TMEM131L: variants seen among roughly 807,000 people sequenced by gnomAD.
TMEM131L encodes transmembrane protein 131-like.
A neutral mutation model predicts 192.2 loss-of-function variants in TMEM131L; 54 were observed. The ratio of observed to expected loss-of-function variants is 0.28; its 90% CI spans 0.23 to 0.35. The LOEUF (loss-of-function observed/expected upper bound fraction) is 0.35. Among genes scored for constraint, TMEM131L ranks in the 10% least tolerant of loss-of-function variants. The pLI is 1.00. For synonymous variants in TMEM131L, 701 were observed against 704.9 expected (o/e 0.99, Z 0.09); for missense variants, 1,888 against 1,972.9 (o/e 0.96, Z 0.82).
At chr4:153,582,441 T>G (rs1473983924) in intron 9 of TMEM131L, among the ~76,000 whole-genome samples, 1 of 136,148 alleles carries the variant, frequency 7.3e-6, no homozygotes, top group African/African-American at 2.8e-5. Flanking sequence ...TTGTTTTTTT[T>G]TTTTTTTTTT....
chr4:153,473,651 G>A (rs554329867), intron 2 of TMEM131L, among the ~76,000 whole-genome samples, 194 bp from the exon 3 acceptor site: 1 of 152,266 alleles, frequency 6.6e-6, no homozygotes, highest in South Asian at 2.1e-4. Flanking sequence ...AATTAGCCAG[G>A]TGTGGTGGCA....
chr4:153,570,479 G>A (rs1729513534), intron 7 of TMEM131L, among the ~76,000 whole-genome samples: 2 of 152,162 alleles, frequency 1.3e-5, no homozygotes, highest in East Asian at 3.9e-4. Context: ...AGCCACCTGT[G>A]CATACCACTG....
At chr4:153,588,493 AACT>A (rs1211956138) in intron 15 of TMEM131L, among the ~76,000 whole-genome samples, 2 of 151,076 alleles carry the variant, frequency 1.3e-5, no homozygotes, top group Non-Finnish European at 2.9e-5. Context: ...CCCTTTCAAG[AACT>A]ACTGTTTTCC....
chr4:153,530,581 C>T (rs1735822124), intron 3 of TMEM131L, among the ~76,000 whole-genome samples: 1 of 152,110 alleles, frequency 6.6e-6, no homozygotes, highest in Non-Finnish European at 1.5e-5. Flanking sequence ...GCTTGCTGTA[C>T]TTGGTGCTGG....
At chr4:153,473,797 C>T in intron 2 of TMEM131L, 48 bp from the exon 3 acceptor site, 1 of 1,497,024 alleles carries the variant, frequency 6.7e-7, no homozygotes, top group Non-Finnish European at 9.0e-7. Flanking sequence ...GTCTCAAAAA[C>T]AAACGAACAA....
chr4:153,558,461 A>T, intron 7 of TMEM131L, 93 bp downstream of exon 7: 1 of 624,790 alleles, frequency 1.6e-6, no homozygotes, highest in Non-Finnish European at 2.8e-6. Flanking sequence ...GCTTTTTGAA[A>T]AAATTATATA....
chr4:153,525,841 C>G (rs1735433783), intron 3 of TMEM131L, among the ~76,000 whole-genome samples: 2 of 151,814 alleles, frequency 1.3e-5, no homozygotes, highest in African/African-American at 2.4e-5. Context: ...CCTGCGATTC[C>G]ACATTCCTTT....
At chr4:153,537,250 C>T (rs1736404491) in intron 3 of TMEM131L, among the ~76,000 whole-genome samples, 1 of 152,258 alleles carries the variant, frequency 6.6e-6, no homozygotes, top group South Asian at 2.1e-4. Context: ...GTTAACTCCA[C>T]CTTTGTAGAT....
intron 3 of TMEM131L, among the ~76,000 whole-genome samples, chr4:153,511,512 A>G (rs749780488): frequency 5.3e-5 from 8 of 152,174 alleles, no homozygotes; most frequent in Non-Finnish European, 1.0e-4. Flanking sequence ...ATCAGGAAAA[A>G]TAACTGAGTA....
At chr4:153,560,869 C>G (rs190957386) in intron 7 of TMEM131L, among the ~76,000 whole-genome samples, 88 of 152,196 alleles carry the variant, frequency 5.8e-4, no homozygotes, top group Middle Eastern at 6.8e-3. Context: ...GTGGACATAT[C>G]TTTCATATCT....
chr4:153,505,109 C>CTTTTT (rs34450106), intron 3 of TMEM131L, among the ~76,000 whole-genome samples: 10 of 141,314 alleles, frequency 7.1e-5, no homozygotes, highest in African/African-American at 1.0e-4. Flanking sequence ...TTCTTTCTTT[C>CTTTTT]TTTTTTTTTT....
At chr4:153,476,424 G>A (rs1283123737) in intron 3 of TMEM131L, among the ~76,000 whole-genome samples, 3 of 152,142 alleles carry the variant, frequency 2.0e-5, no homozygotes, top group South Asian at 2.1e-4. Context: ...AGGGCCAGGC[G>A]CAGTGGCTGA....
At chr4:153,635,345 G>A in intron 33 of TMEM131L, 87 bp from the exon 34 acceptor site, 4 of 1,282,608 alleles carry the variant, frequency 3.1e-6, no homozygotes, top group Admixed American at 1.7e-5. Flanking sequence ...AGTATAGTGA[G>A]ACCTTGAAAG....
chr4:153,492,497 G>T (rs1035884509), intron 3 of TMEM131L, among the ~76,000 whole-genome samples: 3 of 152,182 alleles, frequency 2.0e-5, no homozygotes, highest in African/African-American at 7.2e-5. Context: ...GGAATCTCAA[G>T]GTTGTGTGTA....
intron 18 of TMEM131L, 131 bp downstream of exon 18, chr4:153,592,715 G>A: frequency 3.0e-6 from 2 of 663,580 alleles, no homozygotes; most frequent in Admixed American, 4.8e-5. Flanking sequence ...ATTAGCTCAT[G>A]GACCTTGGGC....
At chr4:153,629,055 G>A (rs1734040240) in intron 31 of TMEM131L, among the ~76,000 whole-genome samples, 1 of 151,990 alleles carries the variant, frequency 6.6e-6, no homozygotes. Context: ...TCCCTTTATT[G>A]CAAAGCCCCA....
In TMEM131L at chr4:153,582,894, C is replaced by G. The variant is rs558641908; in HGVS notation, c.893-296C>G. Among the ~76,000 whole-genome samples, 15 of 152,140 alleles carry G rather than the reference C, an allele frequency of 9.9e-5. No homozygotes were observed. The South Asian group carries it at 3.1e-3, about 32-fold the overall frequency. On this transcript the variant is annotated intron_variant, in intron 9 of 34. Coordinates refer to ENST00000409959, the MANE Select transcript of TMEM131L (RefSeq NM_001131007.2). ...AGTCGTCCAGTTGGTTAGTTTCATT[C>G]AGAAGAGCATTGTGTGACCCTAAAC...
At chr4:153,635,106 T>C (rs1734479376) in intron 33 of TMEM131L, among the ~76,000 whole-genome samples, 1 of 152,226 alleles carries the variant, frequency 6.6e-6, no homozygotes, top group Non-Finnish European at 1.5e-5. Flanking sequence ...TTTTAAAGAC[T>C]GGCAAGAACC....
At chr4:153,582,430 G>GTTTTTTTTTT (rs1561212531) in intron 9 of TMEM131L, among the ~76,000 whole-genome samples, 48 of 38,506 alleles carry the variant, frequency 1.2e-3, no homozygotes, top group Non-Finnish European at 1.8e-3. Flanking sequence ...GTTTTTTTTT[G>GTTTTTTTTTT]TTGTTTTTTT....
Sources: gnomAD v4.1 joint callset for allele counts (sites outside exome capture counted in the v4.1 genomes callset) on GRCh38, gnomAD v4.1.1 for gene constraint, MANE v1.5 for transcripts, NCBI Gene and HGNC (gene_info 2026-07-23, HGNC 2026-07-21) for gene names.